KHDRBS2: variants seen among roughly 807,000 people sequenced by gnomAD.
The protein encoded by KHDRBS2 is KH domain-containing, RNA-binding, signal transduction-associated protein 2.
A neutral mutation model predicts 44.3 loss-of-function variants in KHDRBS2; 26 were observed. The observed-to-expected ratio is 0.59, with a 90% CI of 0.43 to 0.81. The LOEUF (loss-of-function observed/expected upper bound fraction) is 0.81. Ranked by LOEUF, KHDRBS2 falls within the 40% of genes least tolerant of loss-of-function variation. The pLI is 0.00. For synonymous variants in KHDRBS2, 194 were observed against 151.1 expected, an observed-to-expected ratio of 1.28 and a Z score of -2.08; for missense variants, 476 against 433.1, an observed-to-expected ratio of 1.10 and a Z score of -0.88.
At chr6:61,923,923 T>C (rs1583532331) in intron 4 of KHDRBS2, among the ~76,000 whole-genome samples, 1 of 151,968 alleles carries the variant, frequency 6.6e-6, no homozygotes, top group Non-Finnish European at 1.5e-5. Context: ...CTTTAAAAAG[T>C]AAATAGAAGC....
rs539239356 is a variant in KHDRBS2 at position 62,141,964 on chromosome 6, A to G, written c.219+35221T>C. Among the ~76,000 whole-genome samples, 35 of 152,224 alleles carry G rather than the reference A, an allele frequency of 2.3e-4. No individual in the cohort carries two copies. The South Asian group carries it at 5.8e-3, about 25-fold the overall frequency. Reference sequence around the variant, plus strand: ...CTATATGAAGGCAAAAATATCACTGAGTAATTTTAAGTAGCCCTTACAAAA... The same window carrying G: ...CTATATGAAGGCAAAAATATCACTGGGTAATTTTAAGTAGCCCTTACAAAA... On this transcript the variant is annotated intron_variant, in intron 2 of 8. Transcript: ENST00000281156.
intron 5 of KHDRBS2, among the ~76,000 whole-genome samples, chr6:61,896,564 T>C (rs914894843): frequency 6.6e-6 from 1 of 152,190 alleles, no homozygotes; most frequent in African/African-American, 2.4e-5. Context: ...TCTTATCCAC[T>C]ATGTTCTTTC....
rs561875789 is a variant in KHDRBS2, at chr6:61,996,190, A to G, written c.337-17978T>C. ...ATGTTTTAATACTTTATAAAAGGGT[A>G]TCTGTGACTTGGAATGAAATCTCCA... On this transcript the variant is annotated intron_variant, in intron 3 of 8. Coordinates refer to ENST00000281156, the MANE Select transcript of KHDRBS2 (RefSeq NM_152688.4). Among the ~76,000 whole-genome samples, 12 of 152,328 alleles carry G rather than the reference A, an allele frequency of 7.9e-5. No individual in the cohort carries two copies. The Middle Eastern group carries it at 0.014, about 173-fold the overall frequency.
At chr6:62,090,674 C>A (rs1364037103) in intron 2 of KHDRBS2, among the ~76,000 whole-genome samples, 2 of 151,898 alleles carry the variant, frequency 1.3e-5, no homozygotes, top group Non-Finnish European at 2.9e-5. Flanking sequence ...AACAGGGGTA[C>A]TGTTTTTATT....
chr6:61,919,021 T>A (rs1807537845), intron 4 of KHDRBS2, among the ~76,000 whole-genome samples: 2 of 151,950 alleles, frequency 1.3e-5, no homozygotes, highest in Admixed American at 1.3e-4. Flanking sequence ...TAGAGTTAAA[T>A]AAAACTTGAC....
At chr6:62,204,959 C>T (rs2150140956) in intron 1 of KHDRBS2, among the ~76,000 whole-genome samples, 1 of 152,172 alleles carries the variant, frequency 6.6e-6, no homozygotes, top group East Asian at 1.9e-4. Context: ...CCTCAGAGGA[C>T]AGAAATAGTG....
chr6:61,794,366 T>C (rs758987185), intron 6 of KHDRBS2, among the ~76,000 whole-genome samples: 1 of 152,176 alleles, frequency 6.6e-6, no homozygotes, highest in African/African-American at 2.4e-5. Context: ...CTCCAAATCA[T>C]TGGCCATGAG....
intron 1 of KHDRBS2, among the ~76,000 whole-genome samples, chr6:62,238,046 C>CT (rs1433197146): frequency 9.1e-6 from 1 of 109,386 alleles, no homozygotes; most frequent in Non-Finnish European, 2.0e-5. Flanking sequence ...GGGCAAGACT[C>CT]TGTCTCAAAA....
chr6:62,239,921 G>C (rs112106595), intron 1 of KHDRBS2, among the ~76,000 whole-genome samples: 1 of 151,970 alleles, frequency 6.6e-6, no homozygotes, highest in Non-Finnish European at 1.5e-5. Flanking sequence ...CTGACCTCAG[G>C]TGGTCCACCT....
chr6:61,748,249 G>A (rs759906676), intron 6 of KHDRBS2, among the ~76,000 whole-genome samples: 11 of 152,082 alleles, frequency 7.2e-5, no homozygotes, highest in Non-Finnish European at 1.6e-4. Flanking sequence ...TTGGCCTCAC[G>A]GAGTGCTAGG....
Position 61,835,659 on chromosome 6 carries a change from C to A in KHDRBS2, c.810+58976G>T, listed in dbSNP as rs1368414207. 5.9e-5 allele frequency among the ~76,000 whole-genome samples: 9 copies of A among 151,440 alleles called. No homozygotes were observed. The East Asian group carries it at 1.7e-3, about 29-fold the overall frequency. On this transcript the variant is annotated intron_variant, in intron 6 of 8. Coordinates refer to ENST00000281156, the MANE Select transcript of KHDRBS2 (RefSeq NM_152688.4). Reference sequence around the variant, plus strand: ...TATAATATTTCATTGACATCATTTACAGATTCAAAAATATAAATATACTGC... The same window carrying A: ...TATAATATTTCATTGACATCATTTAAAGATTCAAAAATATAAATATACTGC...
chr6:61,740,802 G>C (rs1341941054), intron 6 of KHDRBS2, among the ~76,000 whole-genome samples: 2 of 151,888 alleles, frequency 1.3e-5, no homozygotes, highest in African/African-American at 2.4e-5. Flanking sequence ...ATAGCAACAG[G>C]TAACCGTGAT....
intron 1 of KHDRBS2, among the ~76,000 whole-genome samples, chr6:62,192,802 T>C (rs1824889349): frequency 6.6e-6 from 1 of 152,128 alleles, no homozygotes; most frequent in Admixed American, 6.6e-5. Context: ...TGTGTATAAA[T>C]TATTGGGAAG....
intron 6 of KHDRBS2, among the ~76,000 whole-genome samples, chr6:61,821,921 T>C (rs1289073017): frequency 2.0e-5 from 3 of 151,992 alleles, no homozygotes; most frequent in African/African-American, 7.2e-5. Context: ...GATAAAAATG[T>C]CTTCATTTAT....
the KHDRBS2 span, among the ~76,000 whole-genome samples, chr6:61,626,379 C>T: frequency 6.6e-6 from 1 of 152,258 alleles, no homozygotes; most frequent in East Asian, 1.9e-4. Flanking sequence ...CTGCAGTATT[C>T]TGTGACATTG....
At chr6:61,808,963 A>G (rs1420867046) in intron 6 of KHDRBS2, among the ~76,000 whole-genome samples, 1 of 152,134 alleles carries the variant, frequency 6.6e-6, no homozygotes, top group Non-Finnish European at 1.5e-5. Context: ...ATGTGTTTAG[A>G]AAATTTGTTA....
At chr6:62,217,961 A>G (rs964684670) in intron 1 of KHDRBS2, among the ~76,000 whole-genome samples, 5 of 151,856 alleles carry the variant, frequency 3.3e-5, no homozygotes, top group African/African-American at 7.2e-5. Context: ...AAAAGCAACA[A>G]AAGACTAATG....
chr6:61,580,443 C>T, the KHDRBS2 span, among the ~76,000 whole-genome samples: 14 of 152,246 alleles, frequency 9.2e-5, no homozygotes, highest in East Asian at 7.7e-4. Context: ...CTGCCCTCAG[C>T]GGTTACCAAC....
At chr6:61,543,152 AAC>A in the KHDRBS2 span, among the ~76,000 whole-genome samples, 1 of 152,036 alleles carries the variant, frequency 6.6e-6, no homozygotes, top group Non-Finnish European at 1.5e-5. Context: ...CAGAAAAGGA[AAC>A]AGTCTACAAA....
Sources: gnomAD v4.1 joint callset for allele counts (sites outside exome capture counted in the v4.1 genomes callset) on GRCh38, gnomAD v4.1.1 for gene constraint, MANE v1.5 for transcripts, NCBI Gene and HGNC (gene_info 2026-07-23, HGNC 2026-07-21) for gene names.